The following RNF144B variants were observed in gnomAD, a reference collection of about 807,000 sequenced individuals.
RNF144B encodes the protein E3 ubiquitin-protein ligase RNF144B.
Under a neutral mutation model 40.2 loss-of-function variants are expected in RNF144B, and 25 were observed. That is an observed-to-expected ratio of 0.62 (90% CI 0.45 to 0.87). The LOEUF (loss-of-function observed/expected upper bound fraction) is 0.87, where lower values mean the gene tolerates loss of function less well. RNF144B is among the 40% of genes least tolerant of loss of function. The probability of loss-of-function intolerance (pLI) is 0.00; values close to 1 mark genes in which losing one functional copy is unlikely to be tolerated. For missense variants in RNF144B, 365 were observed against 373.7 expected (o/e 0.98, Z 0.19); for synonymous variants, 145 against 136.3 (o/e 1.06, Z -0.44).
intron 4 of RNF144B, among the ~76,000 whole-genome samples, chr6:18,445,898 C>T (rs933488270): frequency 4.6e-5 from 7 of 152,094 alleles, no homozygotes; most frequent in African/African-American, 1.2e-4. Context: ...ACTGTGTTTC[C>T]TAGGCCAAAA....
At position 18,460,253 on chromosome 6, in the gene RNF144B, C is replaced by T. The variant is rs1759420957; in HGVS notation, c.681+502C>T. ...GCTTTCCTTGGCTTGTGGCCTCTTC[C>T]TCCATCTTCAAAGCCAGCAACATCA... On this transcript the variant is annotated intron_variant, in intron 6 of 7. Transcript: ENST00000259939. The surrounding 1 kb of genome is among the most constrained non-coding windows in gnomAD (Gnocchi z 4.4). Among the ~76,000 whole-genome samples, 1 of 152,162 alleles carries T rather than the reference C, an allele frequency of 6.6e-6. No individual in the cohort carries two copies. Among genetic ancestry groups the T allele is most frequent in the African/African-American group, 2.4e-5 (1 of 41,436 alleles).
rs1478333302 is a variant in RNF144B at position 18,422,144 on chromosome 6, T to C, written c.166-5437T>C. ...TGCCTAGCTATAGGTTGTTAATTTG[T>C]CTGAATATTTTCAAACCAGGATGCT... On this transcript the variant is annotated intron_variant, in intron 2 of 7. Coordinates refer to ENST00000259939, the MANE Select transcript of RNF144B (RefSeq NM_182757.4). This position sits in a 1 kb window ranked among gnomAD's most constrained non-coding sequence, Gnocchi z 4.7. Among the ~76,000 whole-genome samples, 1 of 152,170 alleles carries C rather than the reference T, an allele frequency of 6.6e-6. No homozygotes were observed. The highest frequency in any genetic ancestry group is 1.5e-5 in the Non-Finnish European group (1 of 68,032).
intron 2 of RNF144B, among the ~76,000 whole-genome samples, chr6:18,415,370 G>A (rs1224037362): frequency 1.3e-5 from 2 of 152,152 alleles, no homozygotes; most frequent in African/African-American, 2.4e-5. Flanking sequence ...TTGGTGTCCC[G>A]TGATGGCGGC....
chr6:18,391,213 G>A (rs752074086), intron 1 of RNF144B, among the ~76,000 whole-genome samples: 3 of 152,094 alleles, frequency 2.0e-5, no homozygotes, highest in Non-Finnish European at 2.9e-5. Flanking sequence ...TCCTTGATTG[G>A]TCAATTACAT....
intron 2 of RNF144B, among the ~76,000 whole-genome samples, chr6:18,404,906 T>C (rs1794865243): frequency 6.6e-6 from 1 of 152,066 alleles, no homozygotes; most frequent in Non-Finnish European, 1.5e-5. Context: ...GAGAATTCTC[T>C]GGAACCACAA....
At position 18,441,343 on chromosome 6, in the gene RNF144B, T is replaced by G. The variant is rs945303543; in HGVS notation, c.331+1599T>G. 2.0e-5 allele frequency among the ~76,000 whole-genome samples: 3 copies of G among 152,142 alleles called. No individual in the cohort carries two copies. The highest frequency in any genetic ancestry group is 6.6e-5 in the Admixed American group (1 of 15,264). On this transcript the variant is annotated intron_variant, in intron 4 of 7. Coordinates refer to ENST00000259939, the MANE Select transcript of RNF144B (RefSeq NM_182757.4). The surrounding 1 kb of genome is among the most constrained non-coding windows in gnomAD (Gnocchi z 4.9). ...CCTGGAGAAAGCCTACAGAGTTAGG[T>G]TGGATTTTCAGGCTGCTGCTTAAAT... is the stretch of plus-strand genomic sequence containing the variant.
Position 18,460,232 on chromosome 6 carries a change from T to G in RNF144B, c.681+481T>G, listed in dbSNP as rs1193913870. Among the ~76,000 whole-genome samples the G allele has an allele frequency of 6.6e-6, 1 of 152,218 alleles. No individual in the cohort carries two copies. The highest frequency in any genetic ancestry group is 2.4e-5 in the African/African-American group (1 of 41,466). ...TTCTTGCCTTGGAGGCTGTCCGCTT[T>G]CCTTGGCTTGTGGCCTCTTCCTCCA... On this transcript the variant is annotated intron_variant, in intron 6 of 7. Coordinates refer to ENST00000259939, the MANE Select transcript of RNF144B (RefSeq NM_182757.4). This position sits in a 1 kb window ranked among gnomAD's most constrained non-coding sequence, Gnocchi z 4.4.
rs541964438 is a variant in RNF144B at position 18,437,836 on chromosome 6, G to A, written c.271-1848G>A. The stretch of plus-strand genomic sequence containing the variant: ...TTCATCTGTATCTAAAACATCTTCC[G>A]TTTGCCTTGTCTTCCATAAACTGTA... On this transcript the variant is annotated intron_variant, in intron 3 of 7. Transcript: ENST00000259939. Among the ~76,000 whole-genome samples, 35 of 152,046 alleles carry A rather than the reference G, an allele frequency of 2.3e-4. No individual in the cohort carries two copies. The South Asian group carries it at 6.7e-3, about 29-fold the overall frequency.
rs921569476 is a variant in RNF144B at position 18,461,702 on chromosome 6, C to T, written c.682-1589C>T. On this transcript the variant is annotated intron_variant, in intron 6 of 7. Coordinates refer to ENST00000259939, the MANE Select transcript of RNF144B (RefSeq NM_182757.4). Reference sequence around the variant, plus strand: ...TTCTGGTGACTGTTTTCTAAGATCTCATTTTCAGTTTTAGCCAGGGGCATT... The same window carrying T: ...TTCTGGTGACTGTTTTCTAAGATCTTATTTTCAGTTTTAGCCAGGGGCATT... Among the ~76,000 whole-genome samples the T allele has an allele frequency of 3.9e-5, 6 of 152,134 alleles. No individual in the cohort carries two copies. In the South Asian group the frequency reaches 6.2e-4, roughly 16 times the overall value.
In RNF144B at chr6:18,404,208, TCTAA is replaced by T. The variant is rs1426319051; in HGVS notation, c.165+4512_165+4515del. On this transcript the variant is annotated intron_variant, in intron 2 of 7. Coordinates refer to ENST00000259939, the MANE Select transcript of RNF144B (RefSeq NM_182757.4). The stretch of plus-strand genomic sequence containing the variant: ...AATCTGTGGTGGATCTTTCCTGGGT[TCTAA>T]CTGTTACCTGCATTAGGAGAAAGTA... Among the ~76,000 whole-genome samples, 6 of 152,378 alleles carry T rather than the reference TCTAA, an allele frequency of 3.9e-5. No homozygotes were observed. The East Asian group carries it at 9.6e-4, about 24-fold the overall frequency.
At chr6:18,440,809 TAA>T (rs369811296) in intron 4 of RNF144B, among the ~76,000 whole-genome samples, 27,156 of 142,170 alleles carry the variant, frequency 0.19, 3,041 homozygotes, top group East Asian at 0.43. Flanking sequence ...TTTTTTTTTT[TAA>T]AAATCCAGCA....
intron 2 of RNF144B, among the ~76,000 whole-genome samples, chr6:18,407,241 A>T (rs753659086): frequency 1.3e-5 from 2 of 152,192 alleles, no homozygotes; most frequent in African/African-American, 4.8e-5. Context: ...CATAGAGAAT[A>T]AACTACAGGG....
At chr6:18,461,913 C>T (rs1033832116) in intron 6 of RNF144B, among the ~76,000 whole-genome samples, 2 of 152,092 alleles carry the variant, frequency 1.3e-5, no homozygotes, top group African/African-American at 4.8e-5. Flanking sequence ...TTGTTCCTGC[C>T]TTGATTCTCA....
chr6:18,448,225 G>A lies in RNF144B; in HGVS notation c.331+8481G>A, dbSNP rs1270523913. ...ATGATACAGGAGAGGGAGGGGGGAG[G>A]TAATTGCAGAAGCCAAATCCTTGAG... On this transcript the variant is annotated intron_variant, in intron 4 of 7. Coordinates refer to ENST00000259939, the MANE Select transcript of RNF144B (RefSeq NM_182757.4). The surrounding 1 kb of genome is among the most constrained non-coding windows in gnomAD (Gnocchi z 4.0). Among the ~76,000 whole-genome samples the A allele has an allele frequency of 6.6e-6, 1 of 151,968 alleles. No homozygotes were observed. Among genetic ancestry groups the A allele is most frequent in the Non-Finnish European group, 1.5e-5 (1 of 67,992 alleles).
rs1358999163 is a variant in RNF144B at position 18,400,303 on chromosome 6, A to C, written c.165+604A>C. 3.9e-5 allele frequency among the ~76,000 whole-genome samples: 6 copies of C among 152,122 alleles called. No homozygotes were observed. The highest frequency in any genetic ancestry group is 6.5e-5 in the Admixed American group (1 of 15,270). On this transcript the variant is annotated intron_variant, in intron 2 of 7. Coordinates refer to ENST00000259939, the MANE Select transcript of RNF144B (RefSeq NM_182757.4). This position sits in a 1 kb window ranked among gnomAD's most constrained non-coding sequence, Gnocchi z 5.6. Reference sequence around the variant, plus strand: ...AAAAAAAAAAAATTTAACATGCTGTAGTTAACTACCACCTATAAGAAACTC... The same window carrying C: ...AAAAAAAAAAAATTTAACATGCTGTCGTTAACTACCACCTATAAGAAACTC...
At position 18,466,412 on chromosome 6, in the gene RNF144B, A is replaced by T. The variant is rs1759571429; in HGVS notation, c.*1345A>T. On this transcript the variant is annotated 3_prime_UTR_variant, in exon 8 of 8. Coordinates refer to ENST00000259939, the MANE Select transcript of RNF144B (RefSeq NM_182757.4). ...AGGCACTGATAAAACCGCAACAAAAACATGTAAGAAATAAAATAGAAATGC... is the reference window on the plus strand; with the variant it reads ...AGGCACTGATAAAACCGCAACAAAATCATGTAAGAAATAAAATAGAAATGC... The T allele has an allele frequency of 6.6e-6, 1 of 152,216 alleles. No homozygotes were observed. Among genetic ancestry groups the T allele is most frequent in the Non-Finnish European group, 1.5e-5 (1 of 68,038 alleles). 9.4% of individuals were successfully genotyped at this position (152,216 alleles called of 1,614,324 possible). A position where few individuals can be genotyped will look rare whatever the true frequency, so the allele number is the denominator to read the frequency against.
chr6:18,427,267 T>TC (rs1562049376), intron 2 of RNF144B, among the ~76,000 whole-genome samples: 8 of 149,698 alleles, frequency 5.3e-5, no homozygotes, highest in Non-Finnish European at 1.2e-4. Flanking sequence ...TTTTTTTTTT[T>TC]AAAGGAGGGG....
In RNF144B at chr6:18,447,381, TAGG is replaced by T. The variant is rs1244298767; in HGVS notation, c.331+7641_331+7643del. Among the ~76,000 whole-genome samples, 1 of 148,756 alleles carries T rather than the reference TAGG, an allele frequency of 6.7e-6. No homozygotes were observed. Among genetic ancestry groups the T allele is most frequent in the Non-Finnish European group, 1.5e-5 (1 of 66,280 alleles). On this transcript the variant is annotated intron_variant, in intron 4 of 7. Coordinates refer to ENST00000259939, the MANE Select transcript of RNF144B (RefSeq NM_182757.4). This position sits in a 1 kb window ranked among gnomAD's most constrained non-coding sequence, Gnocchi z 5.6. ...GCTAAGTGAGCAGAGGGGAGAGTTA[TAGG>T]AGGTAATTTGAAAGTGTTAGTCAAG...
rs1324918824 is a variant in RNF144B, at chr6:18,457,359, G to A, written c.536G>A (p.Arg179Gln). 8 of 1,609,994 alleles carry A rather than the reference G, an allele frequency of 5.0e-6. No individual in the cohort carries two copies. Among genetic ancestry groups the A allele is most frequent in the South Asian group, 1.1e-5 (1 of 91,020 alleles). ...CCTATTGTCCTGCCAACAGAGCACC[G>A]GTAAGAAAGGAAACTTTGTCTTTGG... ...SQPIVLPTEH[R>Q]ALFGTDAEAP... The change falls in exon 5 of 8, where the codon CGA (arginine) becomes CAA (glutamine). Residue 179 changes from arginine (R) to glutamine (Q), a missense_variant and splice_region_variant. Transcript: ENST00000259939. The surrounding 1 kb of genome is among the most constrained non-coding windows in gnomAD (Gnocchi z 5.1).
Sources: gnomAD v4.1 joint callset for allele counts (sites outside exome capture counted in the v4.1 genomes callset) on GRCh38, gnomAD v4.1.1 for gene constraint, Gnocchi (gnomAD v3.1) non-coding constraint, MANE v1.5 for transcripts, NCBI Gene and HGNC (gene_info 2026-07-23, HGNC 2026-07-21) for gene names.